The following MCPH1 variants were observed in gnomAD, a reference collection of about 807,000 sequenced individuals.
MCPH1 encodes the protein microcephalin.
A neutral mutation model predicts 84.5 loss-of-function variants in MCPH1; 104 were observed. The ratio of observed to expected loss-of-function variants is 1.23; its 90% CI spans 1.05 to 1.45. The LOEUF (loss-of-function observed/expected upper bound fraction) is 1.45, where lower values mean the gene tolerates loss of function less well. Ranked by LOEUF, MCPH1 falls within the 40% of genes most tolerant of loss-of-function variation. The pLI is 0.00. For synonymous variants in MCPH1, 514 were observed against 366.8 expected (o/e 1.40, Z -4.58); for missense variants, 1,498 against 1,005.7 (o/e 1.49, Z -6.62).
intron 12 of MCPH1, among the ~76,000 whole-genome samples, chr8:6,608,909 G>T (rs1373059993): frequency 4.6e-5 from 7 of 152,104 alleles, no homozygotes. Context: ...GTGGGGTGGG[G>T]CCCCTAAAAC....
At position 6,646,765 on chromosome 8, in the gene MCPH1, A is replaced by C. The variant is rs1039421456; in HGVS notation, c.*3716A>C. The stretch of plus-strand genomic sequence containing the variant: ...CCCCTGACACACACCTAGTTTTGAC[A>C]ATCTCTGTCTCCAGATATTCCCAAA... On this transcript the variant is annotated 3_prime_UTR_variant, in exon 14 of 14. Transcript: ENST00000344683. 5.3e-5 allele frequency: 8 copies of C among 152,244 alleles called. No homozygotes were observed. Among genetic ancestry groups the C allele is most frequent in the Non-Finnish European group, 1.0e-4 (7 of 68,050 alleles). 9.4% of individuals were successfully genotyped at this position (152,244 alleles called of 1,614,324 possible).
intron 11 of MCPH1, among the ~76,000 whole-genome samples, chr8:6,481,940 G>C (rs1463502535): frequency 6.6e-6 from 1 of 152,180 alleles, no homozygotes. Context: ...CAATTTATAA[G>C]TCTTTAAATG....
intron 3 of MCPH1, among the ~76,000 whole-genome samples, chr8:6,423,109 C>T (rs1296042328): frequency 6.6e-6 from 1 of 151,526 alleles, no homozygotes; most frequent in Admixed American, 6.6e-5. Context: ...GTAAGAGCCA[C>T]CGTGCCTGGC....
chr8:6,605,800 C>T (rs917671180), intron 12 of MCPH1, among the ~76,000 whole-genome samples: 1 of 152,184 alleles, frequency 6.6e-6, no homozygotes, highest in African/African-American at 2.4e-5. Context: ...CAGGTTCAAG[C>T]AATTCTCGTG....
intron 12 of MCPH1, among the ~76,000 whole-genome samples, chr8:6,512,229 C>T (rs773198560): frequency 1.3e-4 from 20 of 152,166 alleles, no homozygotes; most frequent in Non-Finnish European, 2.5e-4. Context: ...GCAGGACATA[C>T]TGGGCATTGT....
intron 13 of MCPH1, among the ~76,000 whole-genome samples, chr8:6,633,729 C>G (rs759888561): frequency 2.0e-5 from 3 of 152,164 alleles, no homozygotes; most frequent in African/African-American, 7.2e-5. Context: ...GCAGGCTGGA[C>G]GCACCCAACG....
intron 12 of MCPH1, among the ~76,000 whole-genome samples, chr8:6,583,336 G>C (rs1357785367): frequency 6.6e-6 from 1 of 152,110 alleles, no homozygotes; most frequent in Non-Finnish European, 1.5e-5. Context: ...TCCTAGGAAA[G>C]ACTCCTCAGA....
In MCPH1 at chr8:6,569,503, G is replaced by C. The variant is rs370623007; in HGVS notation, c.2215-51951G>C. 5.3e-5 allele frequency among the ~76,000 whole-genome samples: 8 copies of C among 152,286 alleles called. No homozygotes were observed. In the East Asian group the frequency reaches 9.6e-4, roughly 18 times the overall value. On this transcript the variant is annotated intron_variant, in intron 12 of 13. Coordinates refer to ENST00000344683, the MANE Select transcript of MCPH1 (RefSeq NM_024596.5). ...GTTCCAGCCATGGGATTTCAAAAAAGTACCAAAGGAAAGCCCCTTCAAGTT... is the reference window on the plus strand; with the variant it reads ...GTTCCAGCCATGGGATTTCAAAAAACTACCAAAGGAAAGCCCCTTCAAGTT...
chr8:6,587,222 C>A (rs1248527639), intron 12 of MCPH1, among the ~76,000 whole-genome samples: 1 of 152,160 alleles, frequency 6.6e-6, no homozygotes, highest in Non-Finnish European at 1.5e-5. Context: ...AAATGACTCA[C>A]TGAAGTCTGG....
intron 12 of MCPH1, among the ~76,000 whole-genome samples, chr8:6,599,913 T>C (rs1829232359): frequency 6.6e-6 from 1 of 152,256 alleles, no homozygotes; most frequent in South Asian, 2.1e-4. Flanking sequence ...CTTGCTTCAA[T>C]GCAATTACTA....
At chr8:6,505,964 CATACATATTCTTTGTATAT>C (rs1813622467) in intron 12 of MCPH1, among the ~76,000 whole-genome samples, 1 of 1,512 alleles carries the variant, frequency 6.6e-4, no homozygotes, top group African/African-American at 9.4e-4. Context: ...TATATAAAAA[CATACATATTCTTTGTATAT>C]ATAAAAACAT....
rs1563148761 is a variant in MCPH1, at chr8:6,577,046, C to T, written c.2215-44408C>T. On this transcript the variant is annotated intron_variant, in intron 12 of 13. Transcript: ENST00000344683. ...GCCACGGAACCTGAAATTCCTGCCA[C>T]TGGAATTACGCTCTGGACAAGCGGC... Among the ~76,000 whole-genome samples, 11 of 152,178 alleles carry T rather than the reference C, an allele frequency of 7.2e-5. No individual in the cohort carries two copies. The South Asian group carries it at 2.3e-3, about 31-fold the overall frequency.
intron 12 of MCPH1, among the ~76,000 whole-genome samples, chr8:6,550,205 C>G (rs957450884): frequency 9.2e-5 from 14 of 152,386 alleles, no homozygotes; most frequent in South Asian, 2.1e-4. Flanking sequence ...CCAGATGTTA[C>G]TCACTGGCTA....
chr8:6,471,236 G>C (rs1807678393), intron 9 of MCPH1, among the ~76,000 whole-genome samples: 1 of 152,128 alleles, frequency 6.6e-6, no homozygotes, highest in African/African-American at 2.4e-5. Flanking sequence ...ATCAACCTGA[G>C]GACTTAGGTG....
chr8:6,442,311 A>C (rs1803638250), intron 7 of MCPH1, among the ~76,000 whole-genome samples, 155 bp downstream of exon 7: 1 of 151,598 alleles, frequency 6.6e-6, no homozygotes, highest in Non-Finnish European at 1.5e-5. Flanking sequence ...ATTATAATAA[A>C]ATTAAGGCAT....
chr8:6,580,245 A>G (rs1827448315), intron 12 of MCPH1, among the ~76,000 whole-genome samples: 1 of 152,192 alleles, frequency 6.6e-6, no homozygotes, highest in African/African-American at 2.4e-5. Context: ...GTACTCACGA[A>G]GCCTCCACGA....
At chr8:6,410,869 C>T (rs1798439837) in intron 2 of MCPH1, among the ~76,000 whole-genome samples, 1 of 152,074 alleles carries the variant, frequency 6.6e-6, no homozygotes, top group Non-Finnish European at 1.5e-5. Flanking sequence ...GCAGGCGGAT[C>T]ACCTGAGGTC....
intron 12 of MCPH1, among the ~76,000 whole-genome samples, chr8:6,541,545 C>T (rs930922103): frequency 6.6e-6 from 1 of 152,164 alleles, no homozygotes; most frequent in East Asian, 1.9e-4. Flanking sequence ...AGAGCGAATG[C>T]GGAGACGCTC....
intron 13 of MCPH1, among the ~76,000 whole-genome samples, chr8:6,623,801 T>C (rs1367920617): frequency 6.6e-6 from 1 of 151,494 alleles, no homozygotes; most frequent in African/African-American, 2.4e-5. Flanking sequence ...CAAAACATCC[T>C]ATGTTCTGAA....
Sources: gnomAD v4.1 joint callset for allele counts (sites outside exome capture counted in the v4.1 genomes callset) on GRCh38, gnomAD v4.1.1 for gene constraint, MANE v1.5 for transcripts, NCBI Gene and HGNC (gene_info 2026-07-23, HGNC 2026-07-21) for gene names.